The following SHB variants were observed in gnomAD, a reference collection of about 807,000 sequenced individuals.
SHB encodes SH2 domain-containing adapter protein B.
SHB carries 20 observed loss-of-function variants against 52.3 expected under a neutral mutation model. That is an observed-to-expected ratio of 0.38 (90% CI 0.27 to 0.56). The LOEUF is 0.56. Ranked by LOEUF, SHB falls within the 20% of genes least tolerant of loss-of-function variation. The probability of loss-of-function intolerance (pLI) is 0.71; values close to 1 mark genes in which losing one functional copy is unlikely to be tolerated. For synonymous variants in SHB, 397 were observed against 316.5 expected, an observed-to-expected ratio of 1.25 and a Z score of -2.70; for missense variants, 825 against 723.3, an observed-to-expected ratio of 1.14 and a Z score of -1.61.
intron 3 of SHB, 75 bp downstream of exon 3, chr9:37,974,547 A>G (rs1820629470): frequency 7.8e-7 from 1 of 1,277,966 alleles, no homozygotes; most frequent in African/African-American, 1.5e-5. Context: ...GTTTGTCCTG[A>G]GCGCAGGTGG....
rs1564115778 is a variant in SHB at position 38,068,508 on chromosome 9, C to T, written c.138G>A (p.Gln46=). Residue 46 remains glutamine (Q), a synonymous_variant, in exon 1 of 6, where the codon CAG becomes CAA. Coordinates refer to ENST00000377707, the MANE Select transcript of SHB (RefSeq NM_003028.3). ...AGGACGCCGAGGCGGCGGAGGAGGC[C>T]TGCGGCACGGCCTGGGGGGGCTGCG... The part of the protein sequence containing the change: ...RPSQPPQAVP[Q]ASSAASASCG... 1 of 1,486,184 alleles carries T rather than the reference C, an allele frequency of 6.7e-7. No homozygotes were observed. Among genetic ancestry groups the T allele is most frequent in the Non-Finnish European group, 8.9e-7 (1 of 1,125,282 alleles). 92.1% of individuals were successfully genotyped at this position (1,486,184 alleles called of 1,614,324 possible).
At chr9:37,941,295 C>T (rs1030550688) in intron 5 of SHB, among the ~76,000 whole-genome samples, 2 of 152,350 alleles carry the variant, frequency 1.3e-5, no homozygotes, top group South Asian at 4.1e-4. Flanking sequence ...AGAGCACTCA[C>T]TATATGCTGG....
At chr9:38,051,440 TAAAAAAA>T (rs59860349) in intron 1 of SHB, among the ~76,000 whole-genome samples, 3 of 107,540 alleles carry the variant, frequency 2.8e-5, no homozygotes, top group Admixed American at 1.0e-4. Flanking sequence ...AGACTCCGTC[TAAAAAAA>T]AAAAAAAAAA....
intron 1 of SHB, among the ~76,000 whole-genome samples, chr9:38,026,368 T>C (rs1459531302): frequency 1.3e-5 from 2 of 152,250 alleles, no homozygotes; most frequent in South Asian, 2.1e-4. Context: ...TGCCTTTTAA[T>C]GATCAGCTGC....
intron 2 of SHB, among the ~76,000 whole-genome samples, chr9:37,988,003 CA>C (rs968409554): frequency 2.4e-4 from 36 of 152,138 alleles, no homozygotes; most frequent in African/African-American, 8.2e-4. Flanking sequence ...CCTTCCCAAC[CA>C]AAGTAGCCCC....
intron 2 of SHB, among the ~76,000 whole-genome samples, chr9:37,976,872 G>T (rs965846242): frequency 1.3e-5 from 2 of 152,222 alleles, no homozygotes; most frequent in Non-Finnish European, 2.9e-5. Context: ...ACACACAAAT[G>T]ACATCAGCCC....
intron 5 of SHB, among the ~76,000 whole-genome samples, chr9:37,928,725 G>A (rs972825712): frequency 9.8e-5 from 15 of 152,372 alleles, no homozygotes; most frequent in Non-Finnish European, 1.6e-4. Flanking sequence ...TCCACATGAA[G>A]TGTGAACGTC....
intron 5 of SHB, among the ~76,000 whole-genome samples, chr9:37,935,469 C>CTG (rs753016504): frequency 2.0e-5 from 3 of 152,116 alleles, no homozygotes; most frequent in Non-Finnish European, 4.4e-5. Context: ...GGATGGAGGG[C>CTG]TGGGATGTAG....
intron 4 of SHB, among the ~76,000 whole-genome samples, chr9:37,953,248 G>A (rs560913353): frequency 1.3e-5 from 2 of 152,190 alleles, no homozygotes; most frequent in East Asian, 1.9e-4. Flanking sequence ...GAGGGGAGAA[G>A]TGCTGGCAGC....
intron 1 of SHB, among the ~76,000 whole-genome samples, chr9:38,031,307 G>C (rs190405221): frequency 6.6e-6 from 1 of 152,116 alleles, no homozygotes; most frequent in Non-Finnish European, 1.5e-5. Context: ...GTGACAGAGC[G>C]AGAGACTATG....
At chr9:37,997,702 C>T (rs912640751) in intron 2 of SHB, among the ~76,000 whole-genome samples, 1 of 152,214 alleles carries the variant, frequency 6.6e-6, no homozygotes, top group Non-Finnish European at 1.5e-5. Context: ...GCCTTCTGGG[C>T]TGTCCAGCTC....
At position 38,068,575 on chromosome 9, in the gene SHB, C is replaced by T. The variant is rs1181087091; in HGVS notation, c.71G>A (p.Arg24Gln). The T allele has an allele frequency of 5.4e-6, 8 of 1,488,558 alleles. No homozygotes were observed. The highest frequency in any genetic ancestry group is 1.3e-5 in the South Asian group (1 of 77,084). 92.2% of individuals were successfully genotyped at this position (1,488,558 alleles called of 1,614,324 possible). A position where few individuals can be genotyped will look rare whatever the true frequency, so the allele number is the denominator to read the frequency against. ...SKTKSPPQPP[R>Q]PDYREQRRRG... is the part of the protein sequence containing the mutation. ...GCGCCGCTGCTCGCGGTAGTCTGGC[C>T]GCGGCGGCTGCGGGGGGCTCTTGGT... Residue 24 changes from arginine to glutamine, a missense_variant, in exon 1 of 6, where the codon CGG (arginine) becomes CAG (glutamine). Arg to Gln is a conservative substitution (Grantham distance 43, BLOSUM62 1). Coordinates refer to ENST00000377707, the MANE Select transcript of SHB (RefSeq NM_003028.3).
chr9:38,049,897 T>C (rs1821717485), intron 1 of SHB, among the ~76,000 whole-genome samples: 1 of 151,804 alleles, frequency 6.6e-6, no homozygotes, highest in Non-Finnish European at 1.5e-5. Context: ...CCTCCCGGAT[T>C]CAAGTGATTC....
Position 38,068,532 on chromosome 9 carries a change from C to T in SHB, c.114G>A (p.Ser38=), listed in dbSNP as rs374763296. 5,977 of 1,457,840 alleles carry T rather than the reference C, an allele frequency of 4.1e-3. 188 individuals carry two copies. The African/African-American group carries it at 0.078, about 19-fold the overall frequency. 90.3% of individuals were successfully genotyped at this position (1,457,840 alleles called of 1,614,324 possible). The change falls in exon 1 of 6, where the codon TCG becomes TCA. Residue 38 remains serine, a synonymous_variant. Coordinates refer to ENST00000377707, the MANE Select transcript of SHB (RefSeq NM_003028.3). ...CCTGCGGCACGGCCTGGGGGGGCTG[C>T]GAAGGCCGCTCGCCTCGGCGCCGCT... The part of the protein sequence containing the change: ...REQRRRGERP[S]QPPQAVPQAS...
chr9:38,017,319 G>A (rs934262717), intron 1 of SHB, among the ~76,000 whole-genome samples: 11 of 152,142 alleles, frequency 7.2e-5, no homozygotes, highest in Admixed American at 5.9e-4. Context: ...TACATGAATT[G>A]TTATTTAAAT....
At chr9:37,990,822 C>T (rs7866069) in intron 2 of SHB, among the ~76,000 whole-genome samples, 1,664 of 152,300 alleles carry the variant, frequency 0.011, 33 homozygotes, top group African/African-American at 0.038. Flanking sequence ...CACACGGAAT[C>T]GTTCAATAGA....
intron 2 of SHB, among the ~76,000 whole-genome samples, chr9:38,010,750 T>C (rs1400768561): frequency 6.6e-6 from 1 of 152,218 alleles, no homozygotes; most frequent in Non-Finnish European, 1.5e-5. Context: ...AGTGGCGGTA[T>C]CTGCCCAGGT....
chr9:38,015,953 A>C (rs1323787436), intron 2 of SHB, 58 bp downstream of exon 2: 23 of 1,583,276 alleles, frequency 1.5e-5, no homozygotes, highest in Non-Finnish European at 2.0e-5. Context: ...CAGTGCCCTC[A>C]CTCCCTTTCT....
Position 38,068,067 on chromosome 9 carries a change from G to T in SHB, c.579C>A (p.Gly193=), listed in dbSNP as rs557206798. The T allele has an allele frequency of 2.1e-5, 31 of 1,490,822 alleles. No homozygotes were observed. The highest frequency in any genetic ancestry group is 2.6e-5 in the Non-Finnish European group (29 of 1,130,322). 92.3% of individuals were successfully genotyped at this position (1,490,822 alleles called of 1,614,324 possible). A position where few individuals can be genotyped will look rare whatever the true frequency, so the allele number is the denominator to read the frequency against. The change falls in exon 1 of 6, where the codon GGC becomes GGA. Residue 193 remains glycine, a synonymous_variant. Transcript: ENST00000377707. ...CCCCCAGGGGGTCCCCGGCCCCACC[G>T]CCCGCGGCGCTCTCCACTTTGATGA... ...HRLIKVESAA[G]GGAGDPLGGA...
Sources: gnomAD v4.1 joint callset for allele counts (sites outside exome capture counted in the v4.1 genomes callset) on GRCh38, gnomAD v4.1.1 for gene constraint, MANE v1.5 for transcripts, NCBI Gene and HGNC (gene_info 2026-07-23, HGNC 2026-07-21) for gene names.